TCEA1: variants seen among roughly 807,000 people sequenced by gnomAD.
TCEA1 encodes transcription elongation factor A1.
TCEA1 carries 21 observed loss-of-function variants against 43.8 expected under a neutral mutation model. That is an observed-to-expected ratio of 0.48 (90% CI 0.34 to 0.69). The LOEUF is 0.69. TCEA1 is among the 30% of genes least tolerant of loss of function. The pLI, the probability that TCEA1 is intolerant of heterozygous loss-of-function variation, is 0.01. For missense variants in TCEA1, 250 were observed against 365.1 expected (o/e 0.68, Z 2.57); for synonymous variants, 104 against 117.5 (o/e 0.88, Z 0.75).
Position 54,021,976 on chromosome 8 carries a change from G to GGGAGGGAGAA in TCEA1, c.63+77_63+86dup, listed in dbSNP as rs1389284758. ...CCCAGACGGGAGGCTGCAGGGGGAG[G>GGGAGGGAGAA]GGAGGGAGAAGGAGGGAGGGGGCGG... On this transcript the variant is annotated intron_variant, in intron 1 of 9. Transcript: ENST00000521604. 3.9e-6 allele frequency: 5 copies of GGGAGGGAGAA among 1,273,412 alleles called. No individual in the cohort carries two copies. In the African/African-American group the frequency reaches 6.3e-5, roughly 16 times the overall value. 78.9% of individuals were successfully genotyped at this position (1,273,412 alleles called of 1,614,324 possible).
chr8:54,007,035 G>T (rs1038858704), intron 2 of TCEA1, among the ~76,000 whole-genome samples: 1 of 152,066 alleles, frequency 6.6e-6, no homozygotes, highest in Admixed American at 6.6e-5. Context: ...TAGAGACGGG[G>T]TTTCACCATG....
chr8:54,021,941 G>C (rs889808197), intron 1 of TCEA1, 122 bp downstream of exon 1: 26 of 1,016,060 alleles, frequency 2.6e-5, no homozygotes, highest in Non-Finnish European at 3.4e-5. Context: ...CGGGCGCGGC[G>C]GGCCCGGCTC....
intron 9 of TCEA1, among the ~76,000 whole-genome samples, chr8:53,969,149 G>A (rs527755376): frequency 6.6e-6 from 1 of 152,304 alleles, no homozygotes; most frequent in African/African-American, 2.4e-5. Flanking sequence ...AATTAGCTGG[G>A]CATGGTGGCA....
intron 8 of TCEA1, among the ~76,000 whole-genome samples, chr8:53,978,153 C>T (rs1803388473): frequency 6.6e-6 from 1 of 152,116 alleles, no homozygotes; most frequent in Non-Finnish European, 1.5e-5. Flanking sequence ...ATTCCCAGTA[C>T]TTCGGGAGGC....
chr8:54,013,811 G>GT (rs1406369013), intron 1 of TCEA1, among the ~76,000 whole-genome samples: 1 of 151,820 alleles, frequency 6.6e-6, no homozygotes, highest in African/African-American at 2.4e-5. Context: ...GTGCTGCTAT[G>GT]TGCTTGGCAT....
chr8:53,989,601 T>C (rs1344876937), intron 4 of TCEA1, among the ~76,000 whole-genome samples: 1 of 152,232 alleles, frequency 6.6e-6, no homozygotes, highest in African/African-American at 2.4e-5. Context: ...GGTTTGTATA[T>C]GATAACTTTT....
rs941083032 is a variant in TCEA1 at position 54,005,194 on chromosome 8, A to G, written c.127-5144T>C. 2.0e-4 allele frequency among the ~76,000 whole-genome samples: 31 copies of G among 152,198 alleles called. 1 individual carries two copies. Among genetic ancestry groups the G allele is most frequent in the African/African-American group, 7.5e-4 (31 of 41,454 alleles). On this transcript the variant is annotated intron_variant, in intron 2 of 9. Transcript: ENST00000521604. The stretch of plus-strand genomic sequence containing the variant: ...TGCTATTACTTCCCAAATATTTCCT[A>G]AACCTGTCCTTTCTCTTATATTCTA...
At chr8:53,972,161 A>G (rs1803176495) in intron 8 of TCEA1, 3 of 309,194 alleles carry the variant, frequency 9.7e-6, no homozygotes, top group Non-Finnish European at 1.3e-5. Flanking sequence ...AAAACTCAAC[A>G]GACAGTAAAA....
In TCEA1 at chr8:54,022,213, G is replaced by C; in HGVS notation, c.-88C>G. ...GGAAGACACAGCAGGAGCGACCCCC[G>C]GCGCGCAGCAACCCCCACCACCGCA... On this transcript the variant is annotated 5_prime_UTR_variant, in exon 1 of 10. Transcript: ENST00000521604. 7.0e-7 allele frequency: 1 copy of C among 1,430,170 alleles called. No homozygotes were observed. The highest frequency in any genetic ancestry group is 9.7e-7 in the Non-Finnish European group (1 of 1,026,744). The allele number at this position is 1,430,170 out of a possible 1,614,324, so 88.6% of individuals were successfully genotyped here. A position where few individuals can be genotyped will look rare whatever the true frequency, so the allele number is the denominator to read the frequency against.
intron 2 of TCEA1, among the ~76,000 whole-genome samples, chr8:54,001,213 T>C (rs538535014): frequency 1.3e-5 from 2 of 152,024 alleles, no homozygotes; most frequent in South Asian, 2.1e-4. Context: ...TAAGTTCGGG[T>C]TGTTAACAGA....
intron 7 of TCEA1, among the ~76,000 whole-genome samples, chr8:53,983,118 T>G (rs1306099632): frequency 3.3e-5 from 5 of 152,220 alleles, no homozygotes; most frequent in Non-Finnish European, 4.4e-5. Flanking sequence ...AAAAATAGTA[T>G]GACTTGCTGA....
chr8:53,969,020 T>A (rs1460459529), intron 9 of TCEA1, among the ~76,000 whole-genome samples: 2 of 152,144 alleles, frequency 1.3e-5, no homozygotes, highest in Non-Finnish European at 2.9e-5. Flanking sequence ...CCGGCCACGG[T>A]GGCTCACGCC....
chr8:53,973,861 A>C lies in TCEA1; in HGVS notation c.826-3398T>G, dbSNP rs1803241916. The C allele has an allele frequency of 2.5e-5, 9 of 356,320 alleles. No homozygotes were observed. The South Asian group carries it at 2.6e-4, about 10-fold the overall frequency. 22.1% of individuals were successfully genotyped at this position (356,320 alleles called of 1,614,324 possible). On this transcript the variant is annotated intron_variant, in intron 8 of 9. Coordinates refer to ENST00000521604, the MANE Select transcript of TCEA1 (RefSeq NM_006756.4). ...GCCTGGCAAAGAGAACAGAAAAAAC[A>C]AGAACTTACTCAGGCAATAAAGAAA...
chr8:53,996,618 C>T (rs541005407), intron 3 of TCEA1, among the ~76,000 whole-genome samples: 47 of 152,140 alleles, frequency 3.1e-4, no homozygotes, highest in African/African-American at 1.1e-3. Flanking sequence ...AAGTTAAAAA[C>T]AAGAAATCTA....
intron 3 of TCEA1, among the ~76,000 whole-genome samples, chr8:53,996,653 A>ATATGG (rs1400854258): frequency 6.6e-6 from 1 of 152,158 alleles, no homozygotes; most frequent in African/African-American, 2.4e-5. Context: ...ATCAACTAAA[A>ATATGG]TATGGTATAG....
At chr8:53,982,566 C>T (rs1803545485) in intron 7 of TCEA1, among the ~76,000 whole-genome samples, 1 of 148,540 alleles carries the variant, frequency 6.7e-6, no homozygotes. Flanking sequence ...AGAGATCACA[C>T]CACTGCACTC....
intron 2 of TCEA1, among the ~76,000 whole-genome samples, chr8:54,000,758 A>AT (rs537952645): frequency 0.023 from 3,148 of 136,090 alleles, 88 homozygotes; most frequent in African/African-American, 0.062. Flanking sequence ...CAAAGCTGGG[A>AT]TTTTTTTTTT....
At position 53,988,113 on chromosome 8, in the gene TCEA1, C is replaced by A; in HGVS notation, c.466+1G>T. The A allele has an allele frequency of 6.2e-7, 1 of 1,610,330 alleles. No individual in the cohort carries two copies. The highest frequency in any genetic ancestry group is 8.5e-7 in the Non-Finnish European group (1 of 1,179,144). ...TGAGAAATAACATGCACTGGACTTA[C>A]CCCCTGTTCGAAGAGCTGCAGCAAG... On this transcript the variant is annotated splice_donor_variant, in intron 5 of 9. Coordinates refer to ENST00000521604, the MANE Select transcript of TCEA1 (RefSeq NM_006756.4). LOFTEE classifies it high-confidence loss of function.
intron 8 of TCEA1, among the ~76,000 whole-genome samples, chr8:53,976,928 T>C (rs1258390679): frequency 6.6e-6 from 1 of 152,236 alleles, no homozygotes; most frequent in Non-Finnish European, 1.5e-5. Context: ...GACTTCAGAC[T>C]AGTTAAATTA....
Sources: allele counts gnomAD v4.1 joint callset (sites outside exome capture counted in the v4.1 genomes callset), GRCh38; gene constraint gnomAD v4.1.1; transcripts MANE v1.5; gene names NCBI Gene and HGNC (gene_info 2026-07-23, HGNC 2026-07-21).